RLF: variants seen among roughly 807,000 people sequenced by gnomAD.
The protein encoded by RLF is RLF zinc finger, also known as zinc finger protein Rlf.
Under a neutral mutation model 162.9 loss-of-function variants are expected in RLF, and 7 were observed. The observed-to-expected ratio is 0.04, with a 90% CI of 0.02 to 0.08. RLF has a LOEUF of 0.08. Among genes scored for constraint, RLF ranks in the 10% least tolerant of loss-of-function variants. RLF has a pLI of 1.00. For synonymous variants in RLF, 782 were observed against 791.5 expected, an observed-to-expected ratio of 0.99 and a Z score of 0.20; for missense variants, 1,664 against 2,244.7, an observed-to-expected ratio of 0.74 and a Z score of 5.23.
Position 40,237,208 on chromosome 1 carries a change from A to G in RLF, c.2506A>G (p.Lys836Glu), listed in dbSNP as rs776539936. 1.2e-6 allele frequency: 2 copies of G among 1,613,956 alleles called. No individual in the cohort carries two copies. The highest frequency in any genetic ancestry group is 2.2e-5 in the South Asian group (2 of 91,052). Residue 836 changes from lysine to glutamate, a missense_variant, in exon 8 of 8, where the codon AAA (lysine) becomes GAA (glutamate). Lys to Glu is a moderately conservative substitution (Grantham distance 56). Around this residue, in one of 15 missense-constraint regions of RLF, gnomAD observed 295 missense variants for 317.4 expected, o/e 0.93. Coordinates refer to ENST00000372771, the MANE Select transcript of RLF (RefSeq NM_012421.4). This position sits in a 1 kb window ranked among gnomAD's most constrained non-coding sequence, Gnocchi z 4.4. The part of the protein sequence containing the change: ...NVENSNGDIK[K>E]SVKLEESATG... ...TGAAAATTCAAATGGAGACATAAAG[A>G]AATCAGTGAAACTTGAGGAGTCTGC... is the stretch of plus-strand genomic sequence containing the variant.
Position 40,237,415 on chromosome 1 carries a change from T to C in RLF, c.2713T>C (p.Ser905Pro), listed in dbSNP as rs201905270. Residue 905 changes from serine (S) to proline (P), a missense_variant, in exon 8 of 8, where the codon TCA (serine) becomes CCA (proline). Ser to Pro is a moderately conservative substitution (Grantham distance 74, BLOSUM62 -1). This residue lies in a region of RLF where 295 missense variants were observed against 317.4 expected (regional missense o/e 0.93). Transcript: ENST00000372771. The surrounding 1 kb of genome is among the most constrained non-coding windows in gnomAD (Gnocchi z 4.4). ...NSSDQLSHSSSASMNEELIDT... is the reference protein window; with the variant it reads ...NSSDQLSHSSPASMNEELIDT... ...TAGTGATCAGTTAAGTCATAGCTCTTCAGCTTCAATGAATGAAGAGCTAAT... is the reference window on the plus strand; with the variant it reads ...TAGTGATCAGTTAAGTCATAGCTCTCCAGCTTCAATGAATGAAGAGCTAAT... 1.7e-5 allele frequency: 28 copies of C among 1,614,094 alleles called. No individual in the cohort carries two copies. In the South Asian group the frequency reaches 2.5e-4, roughly 15 times the overall value.
chr1:40,233,683 G>C (rs1308430885), intron 7 of RLF, among the ~76,000 whole-genome samples: 5 of 152,176 alleles, frequency 3.3e-5, no homozygotes, highest in African/African-American at 1.2e-4. Context: ...ACTCACAACA[G>C]AACCAGATCC....
intron 6 of RLF, among the ~76,000 whole-genome samples, chr1:40,225,319 C>G (rs1643054356): frequency 6.6e-6 from 1 of 152,114 alleles, no homozygotes. Flanking sequence ...TAGCTCACGC[C>G]TGTAATCCCA....
intron 1 of RLF, among the ~76,000 whole-genome samples, chr1:40,164,586 A>G (rs1642140320): frequency 6.6e-6 from 1 of 152,226 alleles, no homozygotes; most frequent in African/African-American, 2.4e-5. Context: ...GACAGTGTGG[A>G]TAAGATTAAC....
chr1:40,205,467 C>A (rs757740723), intron 5 of RLF, among the ~76,000 whole-genome samples: 4 of 150,034 alleles, frequency 2.7e-5, no homozygotes, highest in Admixed American at 2.7e-4. Context: ...AATTTACTAT[C>A]GAACATTTTC....
Position 40,238,435 on chromosome 1 carries a change from C to T in RLF, c.3733C>T (p.His1245Tyr), listed in dbSNP as rs1349113415. ...PSSNSEKPHC[H>Y]PKKDECSSET... ...TAGTAACTCTGAGAAACCACACTGT[C>T]ATCCTAAAAAGGATGAATGTAGTTC... Residue 1245 changes from histidine to tyrosine, a missense_variant, in exon 8 of 8, where the codon CAT becomes TAT. By Grantham distance (83) the His-to-Tyr change is moderately conservative. Transcript: ENST00000372771. This position sits in a 1 kb window ranked among gnomAD's most constrained non-coding sequence, Gnocchi z 5.2. The T allele has an allele frequency of 6.8e-6, 11 of 1,613,966 alleles. No homozygotes were observed. Among genetic ancestry groups the T allele is most frequent in the Non-Finnish European group, 3.4e-6 (4 of 1,180,004 alleles).
At chr1:40,198,366 G>A (rs1207555452) in intron 4 of RLF, among the ~76,000 whole-genome samples, 3 of 147,448 alleles carry the variant, frequency 2.0e-5, no homozygotes, top group South Asian at 2.1e-4. Context: ...GTGCAATGGC[G>A]TGATCTCGGC....
chr1:40,235,529 G>T (rs1356407221), intron 7 of RLF, among the ~76,000 whole-genome samples: 1 of 151,962 alleles, frequency 6.6e-6, no homozygotes, highest in African/African-American at 2.4e-5. Flanking sequence ...TATGCATTCG[G>T]GGTACAGATA....
chr1:40,233,795 A>G (rs1293460730), intron 7 of RLF, among the ~76,000 whole-genome samples: 1 of 152,192 alleles, frequency 6.6e-6, no homozygotes, highest in East Asian at 1.9e-4. Flanking sequence ...ACAGTCAGTT[A>G]CAGACTGAAC....
Position 40,195,665 on chromosome 1 carries a change from A to G in RLF, c.508A>G (p.Asn170Asp). 5 of 1,613,192 alleles carry G rather than the reference A, an allele frequency of 3.1e-6. No individual in the cohort carries two copies. Among genetic ancestry groups the G allele is most frequent in the Non-Finnish European group, 4.2e-6 (5 of 1,179,370 alleles). The change falls in exon 4 of 8, where the codon AAT becomes GAT. Residue 170 changes from asparagine (N) to aspartate (D), a missense_variant. Asn to Asp is a conservative substitution (Grantham distance 23). Coordinates refer to ENST00000372771, the MANE Select transcript of RLF (RefSeq NM_012421.4). ...TGATGCATTATTGGAATTTGGGAAT[A>G]ATAACCTACAAATATTGGTTCATGT... is the stretch of plus-strand genomic sequence containing the variant. ...SHDALLEFGN[N>D]NLQILVHVTK... is the part of the protein sequence containing the mutation.
chr1:40,212,738 A>G (rs1271505127), intron 5 of RLF, among the ~76,000 whole-genome samples: 2 of 152,168 alleles, frequency 1.3e-5, no homozygotes, highest in African/African-American at 4.8e-5. Context: ...TGATGGGGAA[A>G]GGAAAGGACA....
intron 5 of RLF, among the ~76,000 whole-genome samples, chr1:40,211,868 T>G (rs1009603894): frequency 3.9e-5 from 6 of 152,154 alleles, no homozygotes; most frequent in African/African-American, 7.2e-5. Context: ...CCTCCTGTTA[T>G]CCGCCCGCCT....
intron 1 of RLF, among the ~76,000 whole-genome samples, chr1:40,188,609 A>T (rs1249742763): frequency 7.2e-6 from 1 of 138,922 alleles, no homozygotes; most frequent in African/African-American, 2.5e-5. Flanking sequence ...AATCAATTCC[A>T]TGTGTCCAGA....
In RLF at chr1:40,239,425, C is replaced by G; in HGVS notation, c.4723C>G (p.Gln1575Glu). Residue 1575 changes from glutamine (Q) to glutamate (E), a missense_variant, in exon 8 of 8, where the codon CAG becomes GAG. Gln to Glu is a conservative substitution (Grantham distance 29, BLOSUM62 2). This residue lies in a region of RLF where 327 missense variants were observed against 342.7 expected (regional missense o/e 0.95). Coordinates refer to ENST00000372771, the MANE Select transcript of RLF (RefSeq NM_012421.4). ...SIVRHYKRTH[Q>E]MSSAYLEQQM... is the part of the protein sequence containing the mutation. ...TGTGAGGCATTACAAACGCACTCATCAGATGAGTAGTGCCTATTTAGAGCA... is the reference window on the plus strand; with the variant it reads ...TGTGAGGCATTACAAACGCACTCATGAGATGAGTAGTGCCTATTTAGAGCA... 1 of 1,613,976 alleles carries G rather than the reference C, an allele frequency of 6.2e-7. No homozygotes were observed. Among genetic ancestry groups the G allele is most frequent in the Non-Finnish European group, 8.5e-7 (1 of 1,180,040 alleles).
In RLF at chr1:40,239,976, A is replaced by G; in HGVS notation, c.5274A>G (p.Ser1758=). Residue 1758 remains serine, a synonymous_variant, in exon 8 of 8, where the codon TCA becomes TCG. Coordinates refer to ENST00000372771, the MANE Select transcript of RLF (RefSeq NM_012421.4). ...TTAGGAAACATTCACAGCCCCGGTC[A>G]TTTGATTTGAAGACTTACAAACCTA... The part of the protein sequence containing the change: ...ENFRKHSQPR[S]FDLKTYKPMG... 1.2e-6 allele frequency: 2 copies of G among 1,613,834 alleles called. No individual in the cohort carries two copies. Among genetic ancestry groups the G allele is most frequent in the Non-Finnish European group, 1.7e-6 (2 of 1,180,018 alleles).
Position 40,190,765 on chromosome 1 carries a change from A to G in RLF, c.393-7A>G, listed in dbSNP as rs765368714. ...CACCTTTATATACTTACTCATTTTT[A>G]TTGTAGGAGTTGTTTCGAATTACTG... On this transcript the variant is annotated splice_polypyrimidine_tract_variant and splice_region_variant and intron_variant, in intron 2 of 7. Transcript: ENST00000372771. 2.7e-5 allele frequency: 43 copies of G among 1,589,946 alleles called. No individual in the cohort carries two copies. Among genetic ancestry groups the G allele is most frequent in the Non-Finnish European group, 3.6e-5 (42 of 1,159,308 alleles).
At chr1:40,164,087 G>GTTAA (rs1388781688) in intron 1 of RLF, among the ~76,000 whole-genome samples, 16 of 152,184 alleles carry the variant, frequency 1.1e-4, no homozygotes, top group African/African-American at 3.9e-4. Flanking sequence ...TGGGAGCCTA[G>GTTAA]TTAAGACAGT....
intron 6 of RLF, among the ~76,000 whole-genome samples, chr1:40,230,051 T>C (rs1374044365): frequency 6.6e-6 from 1 of 151,264 alleles, no homozygotes; most frequent in Non-Finnish European, 1.5e-5. Flanking sequence ...GAGGTGGAGG[T>C]TGCGGTGAGC....
intron 1 of RLF, among the ~76,000 whole-genome samples, chr1:40,176,741 C>T (rs1237719332): frequency 1.3e-5 from 2 of 152,176 alleles, no homozygotes; most frequent in African/African-American, 2.4e-5. Flanking sequence ...GTGTGCCTGG[C>T]CCTAATGACT....
Sources: gnomAD v4.1 joint callset for allele counts (sites outside exome capture counted in the v4.1 genomes callset) on GRCh38, gnomAD v4.1.1 for gene constraint, gnomAD v4.1.1 regional missense constraint, Gnocchi (gnomAD v3.1) non-coding constraint, MANE v1.5 for transcripts, NCBI Gene and HGNC (gene_info 2026-07-23, HGNC 2026-07-21) for gene names.